XRN1: variants seen among roughly 807,000 people sequenced by gnomAD.
XRN1 encodes the protein strand-exchange protein 1 homolog.
In XRN1, 67 loss-of-function variants were observed where a neutral mutation model predicts 222.3. That is an observed-to-expected ratio of 0.30 (90% CI 0.25 to 0.37). XRN1 has a LOEUF of 0.37. XRN1 is among the 10% of genes least tolerant of loss of function. XRN1 has a pLI of 1.00. For synonymous variants in XRN1, 643 were observed against 652.4 expected (o/e 0.99, Z 0.22); for missense variants, 1,707 against 2,000.2 (o/e 0.85, Z 2.80).
chr3:142,322,444 T>A (rs2065381660), intron 37 of XRN1, among the ~76,000 whole-genome samples: 1 of 152,126 alleles, frequency 6.6e-6, no homozygotes, highest in Non-Finnish European at 1.5e-5. Context: ...CTTAGCACTC[T>A]GGGAGGCTGA....
intron 8 of XRN1, among the ~76,000 whole-genome samples, 179 bp from the exon 9 acceptor site, chr3:142,421,722 T>C (rs1297410720): frequency 1.3e-5 from 2 of 152,220 alleles, no homozygotes; most frequent in Non-Finnish European, 2.9e-5. Flanking sequence ...TACTATAATA[T>C]GCAACATGTA....
intron 18 of XRN1, 128 bp downstream of exon 18, chr3:142,403,546 C>T: frequency 1.3e-6 from 1 of 755,224 alleles, no homozygotes; most frequent in South Asian, 2.0e-5. Context: ...TGTTTCTTTG[C>T]TTCATCCTTA....
chr3:142,377,390 A>G (rs888469505), intron 23 of XRN1, among the ~76,000 whole-genome samples: 1 of 152,186 alleles, frequency 6.6e-6, no homozygotes, highest in Non-Finnish European at 1.5e-5. Context: ...ATACAAATCA[A>G]GTATGCTTTC....
At chr3:142,333,720 T>C (rs1367018982) in intron 34 of XRN1, among the ~76,000 whole-genome samples, 1 of 152,162 alleles carries the variant, frequency 6.6e-6, no homozygotes, top group African/African-American at 2.4e-5. Flanking sequence ...ACATCCATGA[T>C]GGTATTAGTG....
intron 33 of XRN1, among the ~76,000 whole-genome samples, chr3:142,346,840 C>T (rs376996297): frequency 2.6e-5 from 4 of 152,130 alleles, no homozygotes. Flanking sequence ...CCCACAGGTA[C>T]AGAGGGCCGA....
intron 39 of XRN1, among the ~76,000 whole-genome samples, chr3:142,314,407 A>G (rs2107849520): frequency 6.6e-6 from 1 of 152,292 alleles, no homozygotes; most frequent in South Asian, 2.1e-4. Flanking sequence ...ATCATAAGAC[A>G]ATTCTTCTTT....
intron 5 of XRN1, among the ~76,000 whole-genome samples, chr3:142,424,454 A>C (rs2069168361): frequency 6.6e-6 from 1 of 152,160 alleles, no homozygotes; most frequent in African/African-American, 2.4e-5. Context: ...CATATCAATC[A>C]AACGCCATGT....
At position 142,318,641 on chromosome 3, in the gene XRN1, A is replaced by G. The variant is rs1337679349; in HGVS notation, c.4572T>C (p.Pro1524=). ...PLPSQVFANY[P]SAVPPGTIPP... ...GAATGGTTCCAGGTGGTACAGCTGA[A>G]GGATAATTTGCAAATACTTGTGAAG... Residue 1524 remains proline (P), a synonymous_variant, in exon 39 of 41, where the codon CCT becomes CCC. Transcript: ENST00000392981. 2 of 1,610,028 alleles carry G rather than the reference A, an allele frequency of 1.2e-6. No individual in the cohort carries two copies. Among genetic ancestry groups the G allele is most frequent in the Non-Finnish European group, 1.7e-6 (2 of 1,178,462 alleles).
At position 142,417,216 on chromosome 3, in the gene XRN1, C is replaced by T; in HGVS notation, c.1360G>A (p.Asp454Asn). 1 of 1,613,502 alleles carries T rather than the reference C, an allele frequency of 6.2e-7. No individual in the cohort carries two copies. The highest frequency in any genetic ancestry group is 8.5e-7 in the Non-Finnish European group (1 of 1,179,774). ...GCCTGAACATAACATGCAGCTTGAT[C>T]AGCCAGAAAGTCACTGAAAATAGAA... ...VDVVSDDFLA[D>N]QAACYVQAIQ... is the part of the protein sequence containing the mutation. The change falls in exon 13 of 41, where the codon GAT becomes AAT. Residue 454 changes from aspartate to asparagine, a missense_variant. Around this residue, in one of 2 missense-constraint regions of XRN1, gnomAD observed 1,234 missense variants for 1,518.2 expected, o/e 0.81. Transcript: ENST00000392981.
chr3:142,313,285 T>C (rs2065124510), intron 39 of XRN1: 1 of 1,210,252 alleles, frequency 8.3e-7, no homozygotes, highest in Admixed American at 2.3e-5. Context: ...TTTTTTCACT[T>C]ACAGTTTGTT....
At chr3:142,346,118 T>C (rs898599940) in intron 33 of XRN1, among the ~76,000 whole-genome samples, 7 of 152,178 alleles carry the variant, frequency 4.6e-5, no homozygotes, top group African/African-American at 1.7e-4. Context: ...ATAGCCCCAA[T>C]GTGGAAACAA....
intron 29 of XRN1, among the ~76,000 whole-genome samples, chr3:142,360,719 A>T (rs1009147680): frequency 5.3e-5 from 8 of 151,652 alleles, no homozygotes; most frequent in Non-Finnish European, 1.0e-4. Flanking sequence ...AAAATAAAAA[A>T]AAAAATTAGC....
intron 32 of XRN1, among the ~76,000 whole-genome samples, chr3:142,353,609 T>G (rs1450631299): frequency 6.6e-6 from 1 of 152,122 alleles, no homozygotes; most frequent in East Asian, 1.9e-4. Context: ...TGATGCTGGA[T>G]AGCTGGCTAG....
intron 18 of XRN1, among the ~76,000 whole-genome samples, chr3:142,401,684 A>G (rs1470022654): frequency 6.6e-6 from 1 of 152,214 alleles, no homozygotes. Context: ...ACTGCACTCC[A>G]GCCTGGGTGA....
At position 142,432,771 on chromosome 3, in the gene XRN1, G is replaced by T. The variant is rs1213750228; in HGVS notation, c.198C>A (p.His66Gln). ...SDDKIFTDIF[H>Q]YLEVLFRIIK... ...TAATGCGAAACAACACCTCCAGGTA[G>T]TGAAAAATATCAGTAAAGATTTTAT... The change falls in exon 2 of 41, where the codon CAC becomes CAA. Residue 66 changes from histidine to glutamine, a missense_variant. This residue lies in a region of XRN1 where 1,234 missense variants were observed against 1,518.2 expected (regional missense o/e 0.81). Coordinates refer to ENST00000392981, the MANE Select transcript of XRN1 (RefSeq NM_001282857.2). 1 of 1,613,872 alleles carries T rather than the reference G, an allele frequency of 6.2e-7. No individual in the cohort carries two copies. Among genetic ancestry groups the T allele is most frequent in the Admixed American group, 1.7e-5 (1 of 60,016 alleles).
Position 142,445,321 on chromosome 3 carries a change from A to G in XRN1, c.75+2549T>C, listed in dbSNP as rs181426378. Among the ~76,000 whole-genome samples the G allele has an allele frequency of 2.5e-3, 383 of 152,114 alleles. 1 individual carries two copies. Among genetic ancestry groups the G allele is most frequent in the Admixed American group, 5.3e-3 (81 of 15,276 alleles). On this transcript the variant is annotated intron_variant, in intron 1 of 40. Coordinates refer to ENST00000392981, the MANE Select transcript of XRN1 (RefSeq NM_001282857.2). ...TGCCTTTTAACTCATTGTGAAATAG[A>G]TAATAGTTTTGGTTATAATTTTGGT... is the stretch of plus-strand genomic sequence containing the variant.
At chr3:142,411,457 G>C (rs371719781) in intron 15 of XRN1, among the ~76,000 whole-genome samples, 2 of 151,646 alleles carry the variant, frequency 1.3e-5, no homozygotes, top group African/African-American at 4.8e-5. Context: ...CTTGTTTAGC[G>C]TCTAGAACCT....
chr3:142,315,363 T>C (rs979654760), intron 39 of XRN1, among the ~76,000 whole-genome samples: 7 of 152,158 alleles, frequency 4.6e-5, no homozygotes, highest in African/African-American at 1.7e-4. Context: ...TCCAAAGTGC[T>C]GGGATTACAA....
At chr3:142,409,461 T>C (rs1437600594) in intron 15 of XRN1, among the ~76,000 whole-genome samples, 2 of 152,210 alleles carry the variant, frequency 1.3e-5, no homozygotes, top group Admixed American at 6.5e-5. Flanking sequence ...GGTGCCTTAA[T>C]TGAAGATGAA....
Sources: allele counts gnomAD v4.1 joint callset (sites outside exome capture counted in the v4.1 genomes callset), GRCh38; gene constraint gnomAD v4.1.1; regional missense constraint gnomAD v4.1.1; transcripts MANE v1.5; gene names NCBI Gene and HGNC (gene_info 2026-07-23, HGNC 2026-07-21).